Variants in HNRNPR observed in about 807,000 individuals in gnomAD.
HNRNPR encodes the protein heterogeneous nuclear ribonucleoprotein R.
A neutral mutation model predicts 70.3 loss-of-function variants in HNRNPR; 4 were observed. The ratio of observed to expected loss-of-function variants is 0.06; its 90% CI spans 0.03 to 0.13. The LOEUF is 0.13. Ranked by LOEUF, HNRNPR falls within the 10% of genes least tolerant of loss-of-function variation. The pLI, the probability that HNRNPR is intolerant of heterozygous loss-of-function variation, is 1.00. For synonymous variants in HNRNPR, 241 were observed against 267.6 expected, an observed-to-expected ratio of 0.90 and a Z score of 0.97; for missense variants, 423 against 788.5, an observed-to-expected ratio of 0.54 and a Z score of 5.55.
Position 23,318,413 on chromosome 1 carries a change from T to C in HNRNPR, c.1017+70A>G. 5 of 1,289,496 alleles carry C rather than the reference T, an allele frequency of 3.9e-6. No homozygotes were observed. 79.9% of individuals were successfully genotyped at this position (1,289,496 alleles called of 1,614,324 possible). ...TTTCTATTTATCATAAAACTCAAAA[T>C]ATTTGAGCTTTATTCTGAGTACAAA... On this transcript the variant is annotated intron_variant, in intron 8 of 10. Coordinates refer to ENST00000302271, the MANE Select transcript of HNRNPR (RefSeq NM_005826.5). This position sits in a 1 kb window ranked among gnomAD's most constrained non-coding sequence, Gnocchi z 4.2.
chr1:23,338,648 A>C, intron 2 of HNRNPR, 40 bp from the exon 3 acceptor site: 1 of 975,906 alleles, frequency 1.0e-6, no homozygotes, highest in Non-Finnish European at 1.6e-6. Context: ...ATTGCAACAA[A>C]AGGGGTAATC....
chr1:23,336,299 C>T (rs1570104207), intron 4 of HNRNPR, among the ~76,000 whole-genome samples: 1 of 151,070 alleles, frequency 6.6e-6, no homozygotes, highest in Non-Finnish European at 1.5e-5. Flanking sequence ...GGCACGGTGG[C>T]TCACGCCTGT....
intron 1 of HNRNPR, among the ~76,000 whole-genome samples, chr1:23,343,921 G>C (rs1308153902): frequency 6.6e-6 from 1 of 152,164 alleles, no homozygotes; most frequent in African/African-American, 2.4e-5. Context: ...AGCAGCGAGC[G>C]GAGGCGGGAA....
chr1:23,319,253 C>A (rs1645665467), intron 7 of HNRNPR, among the ~76,000 whole-genome samples: 1 of 151,928 alleles, frequency 6.6e-6, no homozygotes, highest in South Asian at 2.1e-4. Context: ...GATTTTTTTC[C>A]TACCCCAGAC....
At chr1:23,330,780 T>C (rs951051862) in intron 5 of HNRNPR, among the ~76,000 whole-genome samples, 2 of 152,208 alleles carry the variant, frequency 1.3e-5, no homozygotes, top group Non-Finnish European at 1.5e-5. Context: ...TGAGATATCA[T>C]AGTCCTCTCA....
At chr1:23,336,066 G>A (rs1344605718) in intron 4 of HNRNPR, among the ~76,000 whole-genome samples, 2 of 124,918 alleles carry the variant, frequency 1.6e-5, no homozygotes, top group African/African-American at 6.0e-5. Context: ...GCAGTGAGCC[G>A]AGATCCCGCC....
intron 8 of HNRNPR, among the ~76,000 whole-genome samples, chr1:23,317,889 A>G (rs1175216346): frequency 6.6e-6 from 1 of 151,998 alleles, no homozygotes; most frequent in East Asian, 1.9e-4. Flanking sequence ...CTGAGGAAGG[A>G]GAATCGCTTG....
chr1:23,333,184 G>A (rs12080541), intron 5 of HNRNPR, among the ~76,000 whole-genome samples: 2,400 of 152,028 alleles, frequency 0.016, 71 homozygotes, highest in African/African-American at 0.056. Flanking sequence ...CTCCATCTCA[G>A]GGGAGGGGAA....
intron 8 of HNRNPR, among the ~76,000 whole-genome samples, chr1:23,315,469 A>G (rs895314898): frequency 9.2e-5 from 14 of 152,114 alleles, no homozygotes; most frequent in African/African-American, 3.4e-4. Context: ...ATGAAACAGG[A>G]TGGTGAATAA....
intron 5 of HNRNPR, among the ~76,000 whole-genome samples, chr1:23,327,825 G>A (rs1033078238): frequency 6.6e-6 from 1 of 151,796 alleles, no homozygotes; most frequent in African/African-American, 2.4e-5. Context: ...TCCCTACAGG[G>A]GTAAATTTGA....
chr1:23,315,382 C>T (rs1645500965), intron 8 of HNRNPR, among the ~76,000 whole-genome samples: 1 of 151,002 alleles, frequency 6.6e-6, no homozygotes, highest in Non-Finnish European at 1.5e-5. Flanking sequence ...TAAGCAAGTA[C>T]TGTGCCATAG....
chr1:23,317,316 G>C (rs1354378764), intron 8 of HNRNPR, among the ~76,000 whole-genome samples: 3 of 152,102 alleles, frequency 2.0e-5, no homozygotes, highest in African/African-American at 7.2e-5. Context: ...AAATTAGCCA[G>C]CTGTGGTGGC....
intron 5 of HNRNPR, among the ~76,000 whole-genome samples, chr1:23,330,178 G>C (rs1646156703): frequency 6.6e-6 from 1 of 152,092 alleles, no homozygotes; most frequent in African/African-American, 2.4e-5. Context: ...TCTGCAAACA[G>C]ATAAGAATTT....
intron 1 of HNRNPR, among the ~76,000 whole-genome samples, chr1:23,342,346 G>A (rs909014375): frequency 6.6e-6 from 1 of 152,114 alleles, no homozygotes; most frequent in African/African-American, 2.4e-5. Flanking sequence ...TAGAGAGTAG[G>A]AAGAAGAAGA....
chr1:23,314,484 G>A (rs1434820849), intron 8 of HNRNPR, among the ~76,000 whole-genome samples: 3 of 152,074 alleles, frequency 2.0e-5, no homozygotes, highest in African/African-American at 7.2e-5. Context: ...TTTTATATCA[G>A]AGCACCAGAA....
chr1:23,322,874 C>T (rs763274871), intron 6 of HNRNPR, among the ~76,000 whole-genome samples: 2 of 152,174 alleles, frequency 1.3e-5, no homozygotes. Context: ...GTCTTAAATA[C>T]AGCAGGAGTG....
At chr1:23,330,892 C>T (rs1335484824) in intron 5 of HNRNPR, among the ~76,000 whole-genome samples, 5 of 152,162 alleles carry the variant, frequency 3.3e-5, no homozygotes, top group Non-Finnish European at 5.9e-5. Flanking sequence ...TATAAAAGAA[C>T]AAAATCCAAA....
chr1:23,340,983 G>A lies in HNRNPR; in HGVS notation c.26C>T (p.Ala9Val). The change falls in exon 2 of 11, where the codon GCG becomes GTG. Residue 9 changes from alanine (A) to valine (V), a missense_variant. Around this residue, in one of 7 missense-constraint regions of HNRNPR, gnomAD observed 44 missense variants for 89.0 expected, o/e 0.49. Coordinates refer to ENST00000302271, the MANE Select transcript of HNRNPR (RefSeq NM_005826.5). MANQVNGNAVQLKEEEEPM... is the reference protein window; with the variant it reads MANQVNGNVVQLKEEEEPM... ...TTCTTCCTCTTCTTTTAACTGTACC[G>A]CATTACCATTCACCTGATTAGCCAT... 1 of 1,611,590 alleles carries A rather than the reference G, an allele frequency of 6.2e-7. No homozygotes were observed. Among genetic ancestry groups the A allele is most frequent in the African/African-American group, 1.3e-5 (1 of 74,882 alleles).
chr1:23,330,873 GAAAGAACATATA>G (rs1389986043), intron 5 of HNRNPR, among the ~76,000 whole-genome samples: 1 of 152,102 alleles, frequency 6.6e-6, no homozygotes, highest in Non-Finnish European at 1.5e-5. Context: ...AATGATGACT[GAAAGAACATATA>G]AAAGAACAAA....
Sources: gnomAD v4.1 joint callset for allele counts (sites outside exome capture counted in the v4.1 genomes callset) on GRCh38, gnomAD v4.1.1 for gene constraint, gnomAD v4.1.1 regional missense constraint, Gnocchi (gnomAD v3.1) non-coding constraint, MANE v1.5 for transcripts, NCBI Gene and HGNC (gene_info 2026-07-23, HGNC 2026-07-21) for gene names.